The following ATP13A5 variants were observed in gnomAD, a reference collection of about 807,000 sequenced individuals.
ATP13A5 encodes probable cation-transporting ATPase 13A5.
ATP13A5 carries 149 observed loss-of-function variants against 150.2 expected under a neutral mutation model. The ratio of observed to expected loss-of-function variants is 0.99; its 90% confidence interval spans 0.87 to 1.14. The LOEUF is 1.14. Ranked by LOEUF, ATP13A5 falls within the 50% of genes most tolerant of loss-of-function variation. The pLI, the probability that ATP13A5 is intolerant of heterozygous loss-of-function variation, is 0.00. For synonymous variants in ATP13A5, 497 were observed against 522.2 expected (o/e 0.95, Z 0.66); for missense variants, 1,383 against 1,449.3 (o/e 0.95, Z 0.74).
At chr3:193,275,623 A>G (rs1185468422) in intron 29 of ATP13A5, among the ~76,000 whole-genome samples, 1 of 152,234 alleles carries the variant, frequency 6.6e-6, no homozygotes, top group East Asian at 1.9e-4. Context: ...AAATGAAGAA[A>G]AGAAAAATCA....
chr3:193,299,316 C>T (rs184728788), intron 24 of ATP13A5, 113 bp from the exon 25 acceptor site: 31 of 722,938 alleles, frequency 4.3e-5, no homozygotes, highest in Non-Finnish European at 6.4e-5. Flanking sequence ...TTTTTTCCCT[C>T]TTCAGGAAGA....
chr3:193,364,138 T>A lies in ATP13A5; in HGVS notation c.206A>T (p.Gln69Leu). Reference protein sequence around the residue: ...VWANCIPCPLQEADTVLLRTT... With the variant: ...VWANCIPCPLLEADTVLLRTT... Reference sequence around the variant, plus strand: ...CCTCAGCAAAACAGTGTCTGCTTCTTGCAAGGGGCATGGGATGCAGTTGGC... The same window carrying A: ...CCTCAGCAAAACAGTGTCTGCTTCTAGCAAGGGGCATGGGATGCAGTTGGC... Residue 69 changes from glutamine to leucine, a missense_variant, in exon 2 of 30, where the codon CAA (glutamine) becomes CTA (leucine). This residue lies in a region of ATP13A5 where 787 missense variants were observed against 771.9 expected (regional missense o/e 1.02). Coordinates refer to ENST00000342358, the MANE Select transcript of ATP13A5 (RefSeq NM_198505.4). The A allele has an allele frequency of 1.2e-6, 2 of 1,614,038 alleles. No individual in the cohort carries two copies. The highest frequency in any genetic ancestry group is 1.7e-6 in the Non-Finnish European group (2 of 1,179,956).
intron 12 of ATP13A5, 36 bp from the exon 13 acceptor site, chr3:193,327,093 T>A: frequency 6.5e-7 from 1 of 1,545,544 alleles, no homozygotes; most frequent in South Asian, 1.2e-5. Context: ...AGCATAAGAT[T>A]TAAAGCTTTT....
chr3:193,375,647 G>A (rs138490925), intron 1 of ATP13A5, among the ~76,000 whole-genome samples: 107 of 152,242 alleles, frequency 7.0e-4, no homozygotes, highest in African/African-American at 2.5e-3. Context: ...TGATTGCAGG[G>A]CTGTTGTAAA....
rs765383922 is a variant in ATP13A5 at position 193,344,030 on chromosome 3, G to A, written c.840C>T (p.Leu280=). The change falls in exon 9 of 30, where the codon CTC becomes CTT. Residue 280 remains leucine (L), a synonymous_variant. Coordinates refer to ENST00000342358, the MANE Select transcript of ATP13A5 (RefSeq NM_198505.4). ...GAATAAGAATGTCTCCGGGAACCAAGAGACGGGATTCCAGCTCCTCCAAAC... is the reference window on the plus strand; with the variant it reads ...GAATAAGAATGTCTCCGGGAACCAAAAGACGGGATTCCAGCTCCTCCAAAC... ...DKGLEELESR[L]LVPGDILILP... is the part of the protein sequence containing the mutation. 1 of 1,613,252 alleles carries A rather than the reference G, an allele frequency of 6.2e-7. No individual in the cohort carries two copies. Among genetic ancestry groups the A allele is most frequent in the Non-Finnish European group, 8.5e-7 (1 of 1,179,518 alleles).
intron 10 of ATP13A5, among the ~76,000 whole-genome samples, chr3:193,334,110 G>C (rs1023725580): frequency 1.6e-4 from 25 of 152,260 alleles, no homozygotes; most frequent in African/African-American, 6.0e-4. Flanking sequence ...CTAGTGTCTA[G>C]TGCCTGCTAA....
At position 193,283,878 on chromosome 3, in the gene ATP13A5, A is replaced by G. The variant is rs568103947; in HGVS notation, c.3226+1036T>C. On this transcript the variant is annotated intron_variant, in intron 27 of 29. Coordinates refer to ENST00000342358, the MANE Select transcript of ATP13A5 (RefSeq NM_198505.4). The stretch of plus-strand genomic sequence containing the variant: ...TGCAATATCTGGATAGGTATCATGT[A>G]TCTAGTTTGCCTTGACATTCTCTAT... 8.0e-5 allele frequency among the ~76,000 whole-genome samples: 12 copies of G among 150,448 alleles called. No individual in the cohort carries two copies. The South Asian group carries it at 2.1e-3, about 27-fold the overall frequency.
chr3:193,334,027 T>G, intron 10 of ATP13A5, 120 bp from the exon 11 acceptor site: 1 of 876,710 alleles, frequency 1.1e-6, no homozygotes, highest in Admixed American at 3.1e-5. Context: ...ACCTAATCAT[T>G]TTATAAGTTT....
In ATP13A5 at chr3:193,285,000, A is replaced by C; in HGVS notation, c.3140T>G (p.Leu1047Arg). ...GSILSFETTT[L>R]WPITTINYIT... ...ATAGTTGATGGTGGTGATGGGCCACAGTGTGGTGGTCTCAAAACTTAAAAT... is the reference window on the plus strand; with the variant it reads ...ATAGTTGATGGTGGTGATGGGCCACCGTGTGGTGGTCTCAAAACTTAAAAT... Residue 1047 changes from leucine (L) to arginine (R), a missense_variant, in exon 27 of 30, where the codon CTG becomes CGG. Physicochemically the swap from Leu to Arg is moderately radical, Grantham distance 102. Around this residue, in one of 3 missense-constraint regions of ATP13A5, gnomAD observed 568 missense variants for 621.5 expected, o/e 0.91. Coordinates refer to ENST00000342358, the MANE Select transcript of ATP13A5 (RefSeq NM_198505.4). The C allele has an allele frequency of 6.2e-7, 1 of 1,614,132 alleles. No homozygotes were observed. The highest frequency in any genetic ancestry group is 8.5e-7 in the Non-Finnish European group (1 of 1,179,984).
intron 17 of ATP13A5, 96 bp downstream of exon 17, chr3:193,318,895 C>G (rs780812475): frequency 3.6e-6 from 3 of 834,508 alleles, no homozygotes; most frequent in Non-Finnish European, 6.1e-6. Context: ...TCTCTGAGAG[C>G]CTTCCAGGTG....
At chr3:193,311,387 C>G (rs995944706) in intron 20 of ATP13A5, among the ~76,000 whole-genome samples, 3 of 152,202 alleles carry the variant, frequency 2.0e-5, no homozygotes, top group Non-Finnish European at 2.9e-5. Context: ...ACAAATGACT[C>G]TGAAAATAAA....
At chr3:193,378,579 CACTCTATTTTCTAATTCAGCT>C in intron 1 of ATP13A5, 63 bp downstream of exon 1, 1 of 1,213,780 alleles carries the variant, frequency 8.2e-7, no homozygotes, top group Non-Finnish European at 1.2e-6. Context: ...ATAAATGCTA[CACTCTATTTTCTAATTCAGCT>C]GTAGCCCATA....
intron 25 of ATP13A5, among the ~76,000 whole-genome samples, chr3:193,296,039 T>C (rs1718157758): frequency 6.6e-6 from 1 of 152,074 alleles, no homozygotes; most frequent in Admixed American, 6.6e-5. Context: ...AGCAAGCTAT[T>C]TACTGTCTGG....
At chr3:193,337,032 C>G (rs1711897928) in intron 9 of ATP13A5, among the ~76,000 whole-genome samples, 2 of 152,142 alleles carry the variant, frequency 1.3e-5, no homozygotes, top group African/African-American at 4.8e-5. Context: ...GCATAAATGT[C>G]TTCTTTTGAG....
intron 5 of ATP13A5, among the ~76,000 whole-genome samples, chr3:193,354,793 A>G (rs34567202): frequency 0.27 from 40,931 of 151,768 alleles, 5,809 homozygotes; most frequent in Non-Finnish European, 0.31. Context: ...CTATTTTACC[A>G]TTAACAAAGT....
At chr3:193,292,758 T>C (rs1553810508) in intron 25 of ATP13A5, among the ~76,000 whole-genome samples, 2 of 152,016 alleles carry the variant, frequency 1.3e-5, no homozygotes, top group Non-Finnish European at 2.9e-5. Flanking sequence ...AACCCATGAA[T>C]GGGGAGAATA....
intron 12 of ATP13A5, among the ~76,000 whole-genome samples, chr3:193,328,293 T>C (rs1719545346): frequency 6.6e-6 from 1 of 152,258 alleles, no homozygotes; most frequent in South Asian, 2.1e-4. Context: ...TTCATTCATT[T>C]ATTTGAACTT....
At chr3:193,336,547 C>T (rs1384129794) in intron 9 of ATP13A5, among the ~76,000 whole-genome samples, 1 of 152,196 alleles carries the variant, frequency 6.6e-6, no homozygotes, top group East Asian at 1.9e-4. Flanking sequence ...TCATCCATGT[C>T]TCTACAAAGG....
At chr3:193,290,777 T>A (rs980211591) in intron 25 of ATP13A5, among the ~76,000 whole-genome samples, 22 of 152,276 alleles carry the variant, frequency 1.4e-4, no homozygotes, top group Admixed American at 3.9e-4. Context: ...ACAACTATTT[T>A]AAAAAGACGA....
Sources: allele counts gnomAD v4.1 joint callset (sites outside exome capture counted in the v4.1 genomes callset), GRCh38; gene constraint gnomAD v4.1.1; regional missense constraint gnomAD v4.1.1; transcripts MANE v1.5; gene names NCBI Gene and HGNC (gene_info 2026-07-23, HGNC 2026-07-21).